Variants in CPLX1 observed in about 807,000 individuals in gnomAD.
The protein encoded by CPLX1 is complexin 1.
Under a neutral mutation model 15.6 loss-of-function variants are expected in CPLX1, and 6 were observed. The observed-to-expected ratio is 0.39, with a 90% confidence interval of 0.21 to 0.76. CPLX1 has a LOEUF of 0.76. Among genes scored for constraint, CPLX1 ranks in the 30% least tolerant of loss-of-function variants. The pLI is 0.43. For synonymous variants in CPLX1, 91 were observed against 75.2 expected (o/e 1.21, Z -1.08); for missense variants, 242 against 188.6 (o/e 1.28, Z -1.66).
chr4:806,449 G>A (rs1397385140), intron 2 of CPLX1, among the ~76,000 whole-genome samples: 3 of 152,108 alleles, frequency 2.0e-5, no homozygotes, highest in Non-Finnish European at 2.9e-5. Flanking sequence ...AAAAACCCTA[G>A]AAGAAAATCT....
intron 2 of CPLX1, among the ~76,000 whole-genome samples, chr4:812,704 G>A (rs1407442298): frequency 6.6e-6 from 1 of 151,692 alleles, no homozygotes; most frequent in South Asian, 2.1e-4. Flanking sequence ...GGTGGCTCAC[G>A]CCTGTAATCC....
At chr4:823,180 C>T (rs542940223) in intron 2 of CPLX1, among the ~76,000 whole-genome samples, 1 of 152,210 alleles carries the variant, frequency 6.6e-6, no homozygotes, top group Non-Finnish European at 1.5e-5. Context: ...GTGGAACGTG[C>T]GTCCCTCCCA....
At chr4:809,497 T>C (rs866704036) in intron 2 of CPLX1, among the ~76,000 whole-genome samples, 1 of 151,516 alleles carries the variant, frequency 6.6e-6, no homozygotes, top group Non-Finnish European at 1.5e-5. Context: ...CTGCCCTCAC[T>C]CAGCCTTGAA....
At chr4:823,651 A>G (rs1449369309) in intron 2 of CPLX1, among the ~76,000 whole-genome samples, 6 of 151,922 alleles carry the variant, frequency 3.9e-5, no homozygotes, top group African/African-American at 1.5e-4. Context: ...CAAAACTGAG[A>G]CTCGCCACGA....
At chr4:813,624 T>G (rs1746700232) in intron 2 of CPLX1, among the ~76,000 whole-genome samples, 1 of 152,138 alleles carries the variant, frequency 6.6e-6, no homozygotes, top group Non-Finnish European at 1.5e-5. Context: ...GCACCAATCC[T>G]AAAGGGCAGA....
chr4:819,693 G>C (rs558601033), intron 2 of CPLX1, among the ~76,000 whole-genome samples: 1 of 152,188 alleles, frequency 6.6e-6, no homozygotes, highest in African/African-American at 2.4e-5. Flanking sequence ...GGAGTAGGAC[G>C]GGCCCACCCT....
rs113690597 is a variant in CPLX1, at chr4:824,324, G to A, written c.31+168C>T. ...CCTCGAAAAGGGCCGGGCTGGGGGC[G>A]CTGCTGGGCACGGTCCTTGCTCCTC... On this transcript the variant is annotated intron_variant, in intron 2 of 3. Coordinates refer to ENST00000304062, the MANE Select transcript of CPLX1 (RefSeq NM_006651.4). 2.2e-4 allele frequency among the ~76,000 whole-genome samples: 33 copies of A among 152,360 alleles called. 1 individual carries two copies. The highest frequency in any genetic ancestry group is 7.2e-4 in the African/African-American group (30 of 41,586).
chr4:810,185 G>C (rs1746639708), intron 2 of CPLX1, among the ~76,000 whole-genome samples: 1 of 152,028 alleles, frequency 6.6e-6, no homozygotes. Context: ...AAGTAGCTGG[G>C]ATTACAGGCG....
intron 2 of CPLX1, among the ~76,000 whole-genome samples, chr4:795,471 G>A (rs1746306007): frequency 6.6e-6 from 1 of 152,230 alleles, no homozygotes; most frequent in African/African-American, 2.4e-5. Context: ...GCGCGGGGCG[G>A]TCCCACGTGG....
chr4:816,244 A>T (rs1746754440), intron 2 of CPLX1, among the ~76,000 whole-genome samples: 2 of 133,212 alleles, frequency 1.5e-5, no homozygotes, highest in South Asian at 4.9e-4. Flanking sequence ...TTTGAGACAG[A>T]GTCTCACTCT....
chr4:788,518 G>A (rs2152641540), intron 3 of CPLX1: 1 of 985,468 alleles, frequency 1.0e-6, no homozygotes, highest in South Asian at 4.7e-5. Flanking sequence ...TCAGTGAAAC[G>A]AAGAGCACAG....
chr4:791,133 C>T (rs1031735465), intron 3 of CPLX1, among the ~76,000 whole-genome samples: 2 of 147,546 alleles, frequency 1.4e-5, no homozygotes, highest in African/African-American at 4.9e-5. Context: ...TGAGATGGTG[C>T]ATTTTCTCCT....
At chr4:790,308 G>C (rs13131168) in intron 3 of CPLX1, among the ~76,000 whole-genome samples, 60,803 of 152,004 alleles carry the variant, frequency 0.4, 13,107 homozygotes, top group African/African-American at 0.56. Flanking sequence ...TCTCTGAGGG[G>C]CTTAGACCAA....
Position 786,653 on chromosome 4 carries a change from C to CGGCCTG in CPLX1, c.247_252dup (p.Gln83_Ala84dup). 1 of 1,611,466 alleles carries CGGCCTG rather than the reference C, an allele frequency of 6.2e-7. No individual in the cohort carries two copies. Among genetic ancestry groups the CGGCCTG allele is most frequent in the Non-Finnish European group, 8.5e-7 (1 of 1,178,924 alleles). Reference sequence around the variant, plus strand: ...CTCCCCTCGGAGTTGGCCTCCATGGCGGCCTGGGCCTCGGCCTCGCGCTCC... The same window carrying CGGCCTG: ...CTCCCCTCGGAGTTGGCCTCCATGGCGGCCTGGGCCTGGGCCTCGGCCTCGCGCTCC... On this transcript the variant is annotated inframe_insertion, in exon 4 of 4. Transcript: ENST00000304062.
intron 2 of CPLX1, among the ~76,000 whole-genome samples, chr4:809,366 G>T (rs888815173): frequency 1.3e-5 from 2 of 152,222 alleles, no homozygotes; most frequent in Admixed American, 6.5e-5. Context: ...CCCTATGGCT[G>T]CCAAGCCTCT....
intron 2 of CPLX1, among the ~76,000 whole-genome samples, chr4:810,342 C>A (rs1301787466): frequency 1.3e-5 from 2 of 152,250 alleles, no homozygotes; most frequent in African/African-American, 4.8e-5. Flanking sequence ...AGCCACCACG[C>A]CCGGCCTTGG....
At chr4:801,418 G>T (rs1469796308) in intron 2 of CPLX1, among the ~76,000 whole-genome samples, 2 of 152,248 alleles carry the variant, frequency 1.3e-5, no homozygotes, top group East Asian at 1.9e-4. Context: ...GTGGACAAAA[G>T]ACATTTCACC....
At chr4:806,147 A>C (rs1746551903) in intron 2 of CPLX1, among the ~76,000 whole-genome samples, 1 of 152,260 alleles carries the variant, frequency 6.6e-6, no homozygotes, top group Admixed American at 6.5e-5. Context: ...ACCTGACTTC[A>C]AACTATACTA....
rs935726744 is a variant in CPLX1, at chr4:797,861, C to T, written c.32-5253G>A. 1.1e-4 allele frequency among the ~76,000 whole-genome samples: 17 copies of T among 152,054 alleles called. 3 individuals are homozygous for T. Among genetic ancestry groups the T allele is most frequent in the East Asian group, 2.0e-4 (1 of 5,090 alleles). Reference sequence around the variant, plus strand: ...GGCAGAATGGTGTGAACCCGGGAGGCGGAGCTTGCAGTGAGCCAAGATCGC... The same window carrying T: ...GGCAGAATGGTGTGAACCCGGGAGGTGGAGCTTGCAGTGAGCCAAGATCGC... On this transcript the variant is annotated intron_variant, in intron 2 of 3. Coordinates refer to ENST00000304062, the MANE Select transcript of CPLX1 (RefSeq NM_006651.4).
Sources: gnomAD v4.1 joint callset for allele counts (sites outside exome capture counted in the v4.1 genomes callset) on GRCh38, gnomAD v4.1.1 for gene constraint, MANE v1.5 for transcripts, NCBI Gene and HGNC (gene_info 2026-07-23, HGNC 2026-07-21) for gene names.